PTPN9: variants seen among roughly 807,000 people sequenced by gnomAD.
PTPN9 encodes protein tyrosine phosphatase non-receptor type 9, also known as tyrosine-protein phosphatase non-receptor type 9.
PTPN9 carries 26 observed loss-of-function variants against 69.8 expected under a neutral mutation model. The observed-to-expected ratio is 0.37, with a 90% CI of 0.27 to 0.52. PTPN9 has a LOEUF of 0.52. PTPN9 is among the 20% of genes least tolerant of loss of function. PTPN9 has a pLI of 0.91. For missense variants in PTPN9, 549 were observed against 740.3 expected (o/e 0.74, Z 3.00); for synonymous variants, 274 against 272.5 (o/e 1.01, Z -0.05).
intron 9 of PTPN9, among the ~76,000 whole-genome samples, chr15:75,474,508 G>A (rs1482490433): frequency 1.3e-5 from 2 of 150,604 alleles, no homozygotes; most frequent in Non-Finnish European, 3.0e-5. Context: ...AACAGAACGA[G>A]ACTCTGTCTC....
intron 1 of PTPN9, among the ~76,000 whole-genome samples, chr15:75,563,652 T>C (rs966113752): frequency 7.2e-5 from 11 of 152,178 alleles, no homozygotes; most frequent in African/African-American, 2.7e-4. Flanking sequence ...GGCACTAAGG[T>C]TGATTCTATG....
rs556738594 is a variant in PTPN9 at position 75,540,068 on chromosome 15, G to A, written c.64-12807C>T. On this transcript the variant is annotated intron_variant, in intron 1 of 12. Transcript: ENST00000618819. The stretch of plus-strand genomic sequence containing the variant: ...TTCCTTATGGCTAAGACCTATAAAG[G>A]TATCATTAAAAAATTTAAAGACATA... 2.1e-3 allele frequency among the ~76,000 whole-genome samples: 322 copies of A among 152,202 alleles called. 3 individuals are homozygous for A. Among genetic ancestry groups the A allele is most frequent in the Non-Finnish European group, 2.9e-3 (197 of 68,004 alleles).
chr15:75,493,005 A>G (rs1429497812), intron 7 of PTPN9, among the ~76,000 whole-genome samples: 3 of 152,140 alleles, frequency 2.0e-5, no homozygotes, highest in African/African-American at 7.2e-5. Flanking sequence ...AATTAAAAAA[A>G]TTAGCTGGGC....
chr15:75,568,515 A>C lies in PTPN9; in HGVS notation c.63+10199T>G, dbSNP rs986661437. Among the ~76,000 whole-genome samples, 71 of 146,252 alleles carry C rather than the reference A, an allele frequency of 4.9e-4. 1 individual carries two copies. Among genetic ancestry groups the C allele is most frequent in the African/African-American group, 1.5e-3 (59 of 38,782 alleles). On this transcript the variant is annotated intron_variant, in intron 1 of 12. Transcript: ENST00000618819. Reference sequence around the variant, plus strand: ...AGAGTGAGACCTTGTCTCAAAAAAAAAAAAAAAAACAAAACAAAAAAAAAA... The same window carrying C: ...AGAGTGAGACCTTGTCTCAAAAAAACAAAAAAAAACAAAACAAAAAAAAAA...
In PTPN9 at chr15:75,531,683, C is replaced by T. The variant is rs909752079; in HGVS notation, c.64-4422G>A. On this transcript the variant is annotated intron_variant, in intron 1 of 12. Coordinates refer to ENST00000618819, the MANE Select transcript of PTPN9 (RefSeq NM_002833.4). ...TGGCAAGCTCCACCTCCCGGGTTCA[C>T]GCCATTCTCCTGCTTCAGGCTCCCG... 4.0e-5 allele frequency among the ~76,000 whole-genome samples: 6 copies of T among 151,852 alleles called. No homozygotes were observed. In the East Asian group the frequency reaches 7.7e-4, roughly 20 times the overall value.
At chr15:75,507,495 G>C (rs575888091) in intron 6 of PTPN9, among the ~76,000 whole-genome samples, 10 of 151,792 alleles carry the variant, frequency 6.6e-5, no homozygotes, top group Non-Finnish European at 1.3e-4. Context: ...GGCTGGGCAC[G>C]GTGGCTTATG....
At chr15:75,469,092 A>C in intron 12 of PTPN9, 109 bp from the exon 13 acceptor site, 2 of 1,043,826 alleles carry the variant, frequency 1.9e-6, no homozygotes, top group Non-Finnish European at 2.8e-6. Flanking sequence ...AAAGTGCCTC[A>C]TGGCAGAAGG....
At chr15:75,521,891 C>A (rs777451959) in intron 4 of PTPN9, among the ~76,000 whole-genome samples, 1 of 152,068 alleles carries the variant, frequency 6.6e-6, no homozygotes, top group African/African-American at 2.4e-5. Flanking sequence ...CCTCAAGAAG[C>A]GAGTGGATTC....
chr15:75,564,967 G>A (rs992845032), intron 1 of PTPN9, among the ~76,000 whole-genome samples: 1 of 151,530 alleles, frequency 6.6e-6, no homozygotes, highest in African/African-American at 2.4e-5. Flanking sequence ...CTGGCGTGGT[G>A]GCACGTGCCT....
intron 4 of PTPN9, among the ~76,000 whole-genome samples, chr15:75,520,717 T>C (rs2074900121): frequency 6.6e-6 from 1 of 152,028 alleles, no homozygotes; most frequent in African/African-American, 2.4e-5. Flanking sequence ...GGTTTCACCA[T>C]GTTGGCCAGG....
At chr15:75,475,374 T>C (rs2074590140) in intron 9 of PTPN9, among the ~76,000 whole-genome samples, 1 of 151,714 alleles carries the variant, frequency 6.6e-6, no homozygotes, top group Non-Finnish European at 1.5e-5. Flanking sequence ...AGGTCAGGAG[T>C]CCGAGACCAG....
At chr15:75,541,441 C>G (rs2141330584) in intron 1 of PTPN9, among the ~76,000 whole-genome samples, 1 of 151,590 alleles carries the variant, frequency 6.6e-6, no homozygotes, top group South Asian at 2.1e-4. Flanking sequence ...GAGTCTCGCT[C>G]TGTCGCCCAG....
rs2074534521 is a variant in PTPN9, at chr15:75,465,830, A to G, written c.*2939T>C. Reference sequence around the variant, plus strand: ...CAGTCGGGTTACAGCCTCTTCAAATAAATGACAATTTAAAGTTACCTCCTC... The same window carrying G: ...CAGTCGGGTTACAGCCTCTTCAAATGAATGACAATTTAAAGTTACCTCCTC... On this transcript the variant is annotated 3_prime_UTR_variant, in exon 13 of 13. Coordinates refer to ENST00000618819, the MANE Select transcript of PTPN9 (RefSeq NM_002833.4). The G allele has an allele frequency of 6.6e-6, 1 of 152,230 alleles. No homozygotes were observed. Among genetic ancestry groups the G allele is most frequent in the African/African-American group, 2.4e-5 (1 of 41,456 alleles). 9.4% of individuals were successfully genotyped at this position (152,230 alleles called of 1,614,324 possible). A position where few individuals can be genotyped will look rare whatever the true frequency, so the allele number is the denominator to read the frequency against.
At chr15:75,563,740 A>G (rs960008360) in intron 1 of PTPN9, among the ~76,000 whole-genome samples, 1 of 152,178 alleles carries the variant, frequency 6.6e-6, no homozygotes, top group Non-Finnish European at 1.5e-5. Flanking sequence ...ATTGCACGTA[A>G]CAAGTCCTCC....
At chr15:75,521,275 C>G (rs2074903462) in intron 4 of PTPN9, among the ~76,000 whole-genome samples, 1 of 143,146 alleles carries the variant, frequency 7.0e-6, no homozygotes, top group African/African-American at 2.6e-5. Context: ...GAAACCCCAT[C>G]TCTACTAAAA....
chr15:75,507,498 G>A (rs1233564394), intron 6 of PTPN9, among the ~76,000 whole-genome samples: 1 of 151,832 alleles, frequency 6.6e-6, no homozygotes, highest in Non-Finnish European at 1.5e-5. Context: ...TGGGCACGGT[G>A]GCTTATGCCT....
chr15:75,477,838 T>C (rs913982309), intron 9 of PTPN9, among the ~76,000 whole-genome samples: 4 of 141,044 alleles, frequency 2.8e-5, no homozygotes, highest in Non-Finnish European at 6.2e-5. Context: ...ATACTCTTTT[T>C]TTTTTTTTTT....
At chr15:75,516,536 T>A (rs1254248396) in intron 5 of PTPN9, among the ~76,000 whole-genome samples, 7 of 151,284 alleles carry the variant, frequency 4.6e-5, no homozygotes, top group African/African-American at 1.7e-4. Context: ...ATGGTCTTGA[T>A]CTCCTGACCT....
At chr15:75,498,656 A>G (rs1800628755) in intron 7 of PTPN9, among the ~76,000 whole-genome samples, 1 of 152,178 alleles carries the variant, frequency 6.6e-6, no homozygotes, top group Non-Finnish European at 1.5e-5. Flanking sequence ...CAGAGGTTAC[A>G]GGGAGCTGAG....
Sources: allele counts gnomAD v4.1 joint callset (sites outside exome capture counted in the v4.1 genomes callset), GRCh38; gene constraint gnomAD v4.1.1; transcripts MANE v1.5; gene names NCBI Gene and HGNC (gene_info 2026-07-23, HGNC 2026-07-21).